Variants in KCNB2 observed in about 807,000 individuals in gnomAD.
The protein encoded by KCNB2 is potassium voltage-gated channel subfamily B member 2.
KCNB2 carries 15 observed loss-of-function variants against 61.5 expected under a neutral mutation model. The ratio of observed to expected loss-of-function variants is 0.24; its 90% CI spans 0.16 to 0.38. KCNB2 has a LOEUF of 0.38. Ranked by LOEUF, KCNB2 falls within the 10% of genes least tolerant of loss-of-function variation. The pLI, the probability that KCNB2 is intolerant of heterozygous loss-of-function variation, is 1.00. For synonymous variants in KCNB2, 457 were observed against 446.0 expected, an observed-to-expected ratio of 1.02 and a Z score of -0.31; for missense variants, 828 against 1,125.2, an observed-to-expected ratio of 0.74 and a Z score of 3.78.
intron 2 of KCNB2, among the ~76,000 whole-genome samples, chr8:72,573,245 A>G (rs1457120468): frequency 6.6e-6 from 1 of 152,244 alleles, no homozygotes; most frequent in African/African-American, 2.4e-5. Flanking sequence ...TTTATAGTAT[A>G]TGGATCAGTT....
intron 2 of KCNB2, among the ~76,000 whole-genome samples, chr8:72,915,736 G>A (rs1165698177): frequency 6.6e-6 from 1 of 152,014 alleles, no homozygotes; most frequent in East Asian, 1.9e-4. Context: ...TGGCTAACGC[G>A]GTGAAACCCC....
intron 2 of KCNB2, among the ~76,000 whole-genome samples, chr8:72,891,470 G>T (rs1805894875): frequency 6.6e-6 from 1 of 152,150 alleles, no homozygotes; most frequent in Admixed American, 6.5e-5. Context: ...ATGGACCAGG[G>T]TCATATGAGG....
chr8:72,636,180 C>G (rs1007319367), intron 2 of KCNB2, among the ~76,000 whole-genome samples: 2 of 152,084 alleles, frequency 1.3e-5, no homozygotes, highest in African/African-American at 4.8e-5. Context: ...CCCAGTGTCT[C>G]TGAAATTCTT....
intron 2 of KCNB2, among the ~76,000 whole-genome samples, chr8:72,814,814 T>C (rs1416566256): frequency 6.6e-6 from 1 of 152,198 alleles, no homozygotes; most frequent in South Asian, 2.1e-4. Flanking sequence ...GCCAAGTGTG[T>C]GTAATAATAA....
intron 2 of KCNB2, among the ~76,000 whole-genome samples, chr8:72,627,709 C>T (rs1240309225): frequency 7.2e-5 from 11 of 152,130 alleles, no homozygotes; most frequent in Non-Finnish European, 1.5e-5. Flanking sequence ...TGAGCCGCAC[C>T]CATCCACATC....
intron 2 of KCNB2, among the ~76,000 whole-genome samples, chr8:72,843,092 T>G (rs1275465707): frequency 6.6e-6 from 1 of 152,210 alleles, no homozygotes; most frequent in African/African-American, 2.4e-5. Context: ...AATTTCCCTC[T>G]AAACACTGCT....
chr8:72,571,055 A>C (rs910658254), intron 2 of KCNB2, among the ~76,000 whole-genome samples: 2 of 152,198 alleles, frequency 1.3e-5, no homozygotes, highest in African/African-American at 4.8e-5. Flanking sequence ...AGATTCCTGT[A>C]ATGAAGAAAG....
At chr8:72,909,224 C>G (rs529747059) in intron 2 of KCNB2, among the ~76,000 whole-genome samples, 75 of 152,284 alleles carry the variant, frequency 4.9e-4, no homozygotes, top group Non-Finnish European at 9.4e-4. Context: ...TGGTGTAGCT[C>G]ATGTGTCCCA....
At chr8:72,831,432 G>C (rs4524841) in intron 2 of KCNB2, among the ~76,000 whole-genome samples, 78,235 of 151,968 alleles carry the variant, frequency 0.51, 20,726 homozygotes, top group Non-Finnish European at 0.58. Flanking sequence ...TAAGAAAAGA[G>C]AGTGTAAAAC....
At chr8:72,538,314 C>G (rs1346625611) in intron 1 of KCNB2, among the ~76,000 whole-genome samples, 2 of 151,880 alleles carry the variant, frequency 1.3e-5, no homozygotes, top group Non-Finnish European at 2.9e-5. Context: ...GGTCTCCGTT[C>G]TGTAGCACGA....
At chr8:72,832,804 C>T (rs545345193) in intron 2 of KCNB2, among the ~76,000 whole-genome samples, 6 of 152,198 alleles carry the variant, frequency 3.9e-5, no homozygotes, top group Non-Finnish European at 8.8e-5. Flanking sequence ...GGCCAAGTGA[C>T]ACCTATATAC....
At chr8:72,584,175 A>G (rs1469072740) in intron 2 of KCNB2, among the ~76,000 whole-genome samples, 3 of 152,192 alleles carry the variant, frequency 2.0e-5, no homozygotes, top group Non-Finnish European at 2.9e-5. Context: ...AGGCACAGAC[A>G]GATCTAGATA....
chr8:72,867,052 C>T (rs1222589948), intron 2 of KCNB2, among the ~76,000 whole-genome samples: 1 of 152,192 alleles, frequency 6.6e-6, no homozygotes, highest in African/African-American at 2.4e-5. Flanking sequence ...AAATCCCAAA[C>T]TATATCTTGC....
intron 2 of KCNB2, among the ~76,000 whole-genome samples, chr8:72,679,247 C>T (rs989378691): frequency 6.6e-6 from 1 of 152,194 alleles, no homozygotes; most frequent in Non-Finnish European, 1.5e-5. Flanking sequence ...GCAGTAAACG[C>T]AACATCCAAC....
chr8:72,869,496 T>C (rs549232727), intron 2 of KCNB2, among the ~76,000 whole-genome samples: 1 of 150,432 alleles, frequency 6.6e-6, no homozygotes, highest in Admixed American at 6.6e-5. Context: ...TACAACTCAA[T>C]AGCAAAAAAT....
intron 2 of KCNB2, among the ~76,000 whole-genome samples, chr8:72,882,107 G>T (rs1215379152): frequency 3.3e-5 from 5 of 152,038 alleles, no homozygotes; most frequent in African/African-American, 1.2e-4. Context: ...GTACTGAAGT[G>T]ATCAGGTGTT....
At chr8:72,577,954 A>G (rs1232465025) in intron 2 of KCNB2, among the ~76,000 whole-genome samples, 1 of 152,220 alleles carries the variant, frequency 6.6e-6, no homozygotes, top group Non-Finnish European at 1.5e-5. Context: ...TCTTAACCAA[A>G]TGGATTCTTC....
chr8:72,745,657 T>A (rs1370002405), intron 2 of KCNB2, among the ~76,000 whole-genome samples: 1 of 152,128 alleles, frequency 6.6e-6, no homozygotes, highest in Non-Finnish European at 1.5e-5. Context: ...GGCTTCACTG[T>A]CCAGAGTTTT....
At chr8:72,702,675 A>G (rs1807152909) in intron 2 of KCNB2, among the ~76,000 whole-genome samples, 1 of 152,200 alleles carries the variant, frequency 6.6e-6, no homozygotes, top group Non-Finnish European at 1.5e-5. Flanking sequence ...TTCAAAAGTC[A>G]GCTTCCACCA....
Sources: allele counts gnomAD v4.1 joint callset (sites outside exome capture counted in the v4.1 genomes callset), GRCh38; gene constraint gnomAD v4.1.1; transcripts MANE v1.5; gene names NCBI Gene and HGNC (gene_info 2026-07-23, HGNC 2026-07-21).